GDPD1: variants seen among roughly 807,000 people sequenced by gnomAD.
The protein encoded by GDPD1 is lysophospholipase D GDPD1.
In GDPD1, 28 loss-of-function variants were observed where a neutral mutation model predicts 45.1. The ratio of observed to expected loss-of-function variants is 0.62; its 90% CI spans 0.46 to 0.85. The LOEUF is 0.85. Among genes scored for constraint, GDPD1 ranks in the 40% least tolerant of loss-of-function variants. GDPD1 has a pLI of 0.00. For missense variants in GDPD1, 256 were observed against 364.8 expected (o/e 0.70, Z 2.43); for synonymous variants, 139 against 131.4 (o/e 1.06, Z -0.40).
intron 6 of GDPD1, among the ~76,000 whole-genome samples, chr17:59,264,191 G>C (rs111515548): frequency 1.6e-4 from 24 of 151,462 alleles, no homozygotes; most frequent in Admixed American, 5.3e-4. Flanking sequence ...GTAGAGACCG[G>C]GTTTCTCCAT....
intron 1 of GDPD1, among the ~76,000 whole-genome samples, chr17:59,221,903 G>A (rs1355079556): frequency 1.3e-5 from 2 of 152,052 alleles, no homozygotes; most frequent in African/African-American, 4.8e-5. Flanking sequence ...ATATAAATAC[G>A]GAAGTACATT....
chr17:59,267,240 C>A (rs62083295), intron 7 of GDPD1, 66 bp downstream of exon 7: 153,975 of 1,387,408 alleles, frequency 0.11, 9,720 homozygotes, highest in South Asian at 0.22. Flanking sequence ...TAAAAGCTCA[C>A]TAATATCAAT....
intron 2 of GDPD1, among the ~76,000 whole-genome samples, chr17:59,239,710 T>G (rs114019877): frequency 0.024 from 3,650 of 151,930 alleles, 152 homozygotes; most frequent in African/African-American, 0.084. Context: ...AGCCAGCATT[T>G]CAGCTAGAGA....
rs1303452147 is a variant in GDPD1 at position 59,274,951 on chromosome 17, C to G, written c.*1178C>G. On this transcript the variant is annotated 3_prime_UTR_variant, in exon 10 of 10. Coordinates refer to ENST00000284116, the MANE Select transcript of GDPD1 (RefSeq NM_182569.4). ...CTGCCTCCCAGGTTCCAGCAATTCT[C>G]CTGCCTCTGCCTCCCGAGTACCTGG... Among the ~76,000 whole-genome samples the G allele has an allele frequency of 6.6e-6, 1 of 151,026 alleles. No homozygotes were observed. Among genetic ancestry groups the G allele is most frequent in the African/African-American group, 2.4e-5 (1 of 41,070 alleles).
At chr17:59,247,754 C>A (rs541682732) in intron 3 of GDPD1, among the ~76,000 whole-genome samples, 7 of 152,122 alleles carry the variant, frequency 4.6e-5, no homozygotes, top group African/African-American at 9.6e-5. Context: ...CTCAGCCCCC[C>A]CAAATAGCTG....
chr17:59,255,852 CACACGTATATATATATATATAT>C (rs1455776750), intron 4 of GDPD1, among the ~76,000 whole-genome samples: 3 of 72,816 alleles, frequency 4.1e-5, no homozygotes, highest in East Asian at 7.7e-4. Context: ...TATATATATA[CACACGTATATATATATATATAT>C]ACACACACAC....
chr17:59,262,664 G>T (rs569335215), intron 6 of GDPD1, among the ~76,000 whole-genome samples: 4 of 142,276 alleles, frequency 2.8e-5, no homozygotes, highest in Admixed American at 2.2e-4. Flanking sequence ...GACTCACTCT[G>T]TCACCCAGGC....
At chr17:59,240,916 T>C (rs1225463973) in intron 2 of GDPD1, among the ~76,000 whole-genome samples, 1 of 152,224 alleles carries the variant, frequency 6.6e-6, no homozygotes, top group Non-Finnish European at 1.5e-5. Flanking sequence ...GCTCCATTCA[T>C]GATAAGTGCC....
chr17:59,241,246 T>A (rs1200540761), intron 2 of GDPD1, among the ~76,000 whole-genome samples: 2 of 152,232 alleles, frequency 1.3e-5, no homozygotes, highest in African/African-American at 2.4e-5. Context: ...GTTGTAAGAA[T>A]ACAGGAGTAT....
rs747664375 is a variant in GDPD1, at chr17:59,257,226, G to A, written c.472G>A (p.Val158Met). The A allele has an allele frequency of 6.3e-7, 1 of 1,577,798 alleles. No individual in the cohort carries two copies. The highest frequency in any genetic ancestry group is 8.6e-7 in the Non-Finnish European group (1 of 1,157,586). The change falls in exon 5 of 10, where the codon GTG becomes ATG. Residue 158 changes from valine (V) to methionine (M), a missense_variant. By Grantham distance (21) the Val-to-Met change is conservative (BLOSUM62 1). Coordinates refer to ENST00000284116, the MANE Select transcript of GDPD1 (RefSeq NM_182569.4). ...INIDIKVNNN[V>M]LIKKVSELVK... is the part of the protein sequence containing the mutation. ...CATCGATATCAAAGTCAACAACAAT[G>A]TGCTGATTAAGAAGGTACTCAAGGC...
intron 6 of GDPD1, chr17:59,260,796 T>C (rs2047349764): frequency 6.6e-6 from 1 of 152,172 alleles, no homozygotes; most frequent in African/African-American, 2.4e-5. Context: ...TACAACCAGT[T>C]ACAGATTTCT....
intron 2 of GDPD1, among the ~76,000 whole-genome samples, chr17:59,239,908 A>G (rs1403756879): frequency 1.3e-5 from 2 of 150,344 alleles, no homozygotes; most frequent in African/African-American, 4.9e-5. Flanking sequence ...AATTTTTCAT[A>G]TTTTTTTTAG....
chr17:59,268,451 C>T (rs976154862), intron 7 of GDPD1, among the ~76,000 whole-genome samples: 2 of 151,304 alleles, frequency 1.3e-5, no homozygotes, highest in South Asian at 2.1e-4. Context: ...TGGTGGCGGG[C>T]GCCTGTAGTC....
In GDPD1 at chr17:59,245,400, T is replaced by C; in HGVS notation, c.186-14T>C. 6.2e-7 allele frequency: 1 copy of C among 1,601,828 alleles called. No individual in the cohort carries two copies. Among genetic ancestry groups the C allele is most frequent in the African/African-American group, 1.3e-5 (1 of 74,516 alleles). ...ACTTAAGTGTCAGATGTCATTCTTCTTTTATTTCTTCAGTGCGGTTAAAAT... is the reference window on the plus strand; with the variant it reads ...ACTTAAGTGTCAGATGTCATTCTTCCTTTATTTCTTCAGTGCGGTTAAAAT... On this transcript the variant is annotated splice_polypyrimidine_tract_variant and intron_variant, in intron 2 of 9. Transcript: ENST00000284116.
At chr17:59,255,801 A>ATATACGCG (rs1555724203) in intron 4 of GDPD1, among the ~76,000 whole-genome samples, 4 of 51,978 alleles carry the variant, frequency 7.7e-5, no homozygotes, top group African/African-American at 6.3e-4. Context: ...ATATATGTAT[A>ATATACGCG]TATATATATA....
At chr17:59,237,500 T>TAC (rs1188495789) in intron 2 of GDPD1, among the ~76,000 whole-genome samples, 5 of 152,174 alleles carry the variant, frequency 3.3e-5, no homozygotes, top group Non-Finnish European at 7.4e-5. Context: ...AGAAGATACA[T>TAC]ACTATGCTTA....
intron 1 of GDPD1, among the ~76,000 whole-genome samples, chr17:59,228,302 C>T (rs930694031): frequency 6.6e-6 from 1 of 151,928 alleles, no homozygotes; most frequent in African/African-American, 2.4e-5. Context: ...AGATTGGAGA[C>T]CAAGCATCCT....
chr17:59,265,702 A>T (rs539650698), intron 6 of GDPD1, among the ~76,000 whole-genome samples: 3 of 151,970 alleles, frequency 2.0e-5, no homozygotes, highest in Admixed American at 2.0e-4. Context: ...GTTCGAGACC[A>T]GCCTGGGTGA....
chr17:59,239,204 A>C (rs1221607747), intron 2 of GDPD1, among the ~76,000 whole-genome samples: 1 of 152,174 alleles, frequency 6.6e-6, no homozygotes, highest in Non-Finnish European at 1.5e-5. Flanking sequence ...ACTATCTATG[A>C]AATGGGAATA....
Sources: gnomAD v4.1 joint callset for allele counts (sites outside exome capture counted in the v4.1 genomes callset) on GRCh38, gnomAD v4.1.1 for gene constraint, MANE v1.5 for transcripts, NCBI Gene and HGNC (gene_info 2026-07-23, HGNC 2026-07-21) for gene names.